The following HK1 variants were observed in gnomAD, a reference collection of about 807,000 sequenced individuals.
HK1 encodes the protein hexokinase-1.
A neutral mutation model predicts 91.6 loss-of-function variants in HK1; 28 were observed. That is an observed-to-expected ratio of 0.31 (90% CI 0.23 to 0.42). The LOEUF is 0.42. Among genes scored for constraint, HK1 ranks in the 10% least tolerant of loss-of-function variants. The pLI, the probability that HK1 is intolerant of heterozygous loss-of-function variation, is 1.00. For missense variants in HK1, 770 were observed against 1,219.8 expected (o/e 0.63, Z 5.49); for synonymous variants, 430 against 468.1 (o/e 0.92, Z 1.05).
intron 1 of HK1, among the ~76,000 whole-genome samples, chr10:69,276,151 ATTC>A (rs1392247333): frequency 4.0e-4 from 54 of 134,834 alleles, no homozygotes; most frequent in African/African-American, 1.4e-3. Flanking sequence ...ACATATATAT[ATTC>A]TATATTAAAT....
At chr10:69,270,817 A>G (rs760092728) in intron 1 of HK1, among the ~76,000 whole-genome samples, 5 of 152,226 alleles carry the variant, frequency 3.3e-5, no homozygotes, top group Admixed American at 6.5e-5. Context: ...CCATGAGAAT[A>G]AAGACTTGGG....
intron 13 of HK1, among the ~76,000 whole-genome samples, chr10:69,388,543 C>T (rs1304378589): frequency 1.3e-5 from 2 of 152,136 alleles, no homozygotes; most frequent in Non-Finnish European, 2.9e-5. Flanking sequence ...TGCCAACACA[C>T]ACACACACAC....
Position 69,324,045 on chromosome 10 carries a change from AT to A in HK1, c.63+5042del, listed in dbSNP as rs1452153473. Among the ~76,000 whole-genome samples the A allele has an allele frequency of 2.0e-5, 3 of 152,060 alleles. No individual in the cohort carries two copies. The East Asian group carries it at 5.8e-4, about 29-fold the overall frequency. ...GGCACCTGCTTATGGATTTGTTTTT[AT>A]TTTTTTATAGAGACAGGGTCTCACC... On this transcript the variant is annotated intron_variant, in intron 1 of 17. Transcript: ENST00000359426.
At chr10:69,316,508 C>T (rs1397335772), upstream of HK1, among the ~76,000 whole-genome samples, 2 of 152,196 alleles carry the variant, frequency 1.3e-5, no homozygotes, top group Non-Finnish European at 2.9e-5. Context: ...TATTGACAGG[C>T]CTTGGGGCCT....
intron 3 of HK1, among the ~76,000 whole-genome samples, chr10:69,293,134 C>T (rs192287024): frequency 1.3e-5 from 2 of 152,318 alleles, no homozygotes; most frequent in Admixed American, 1.3e-4. Flanking sequence ...TTTATTCACC[C>T]CCCTGCTCCC....
rs1186541446 is a variant in HK1, at chr10:69,347,031, T to C, written c.226+3042T>C. The stretch of plus-strand genomic sequence containing the variant: ...GTGGGGCCCAGATACTTACATTTCC[T>C]CTTTTCTTTTCCTTTTTTTTTTTGA... On this transcript the variant is annotated intron_variant, in intron 2 of 17. Coordinates refer to ENST00000359426, the MANE Select transcript of HK1 (RefSeq NM_000188.3). Among the ~76,000 whole-genome samples, 5 of 151,612 alleles carry C rather than the reference T, an allele frequency of 3.3e-5. No individual in the cohort carries two copies. The South Asian group carries it at 6.2e-4, about 19-fold the overall frequency.
upstream of HK1, among the ~76,000 whole-genome samples, chr10:69,318,413 G>A (rs180851031): frequency 3.8e-3 from 571 of 152,266 alleles, 3 homozygotes; most frequent in Middle Eastern, 0.02. Flanking sequence ...GAATGGGACC[G>A]CCTTCGTGCC....
At chr10:69,306,312 C>T (rs1257802585) in intron 5 of HK1, among the ~76,000 whole-genome samples, 2 of 151,150 alleles carry the variant, frequency 1.3e-5, no homozygotes, top group Admixed American at 6.6e-5. Flanking sequence ...GAGCTGAGAT[C>T]GCACCAGTGC....
At chr10:69,278,947 T>C (rs913735692) in intron 1 of HK1, among the ~76,000 whole-genome samples, 3 of 152,064 alleles carry the variant, frequency 2.0e-5, no homozygotes, top group Admixed American at 6.5e-5. Flanking sequence ...TCATCAAGAG[T>C]GTAGAGAAGC....
At position 69,384,867 on chromosome 10, in the gene HK1, T is replaced by A. The variant is rs1037264298; in HGVS notation, c.1791T>A (p.Pro597=). ...TGGGGATCAAAGGCCCCAGGATGCCTCTGGGCTTCACGTTCTCATTTCCCT... is the reference window on the plus strand; with the variant it reads ...TGGGGATCAAAGGCCCCAGGATGCCACTGGGCTTCACGTTCTCATTTCCCT... ...DYMGIKGPRM[P]LGFTFSFPCQ... Residue 597 remains proline (P), a synonymous_variant, in exon 12 of 18, where the codon CCT becomes CCA. Transcript: ENST00000359426. 4 of 1,614,068 alleles carry A rather than the reference T, an allele frequency of 2.5e-6. No homozygotes were observed. The highest frequency in any genetic ancestry group is 1.3e-5 in the African/African-American group (1 of 74,938).
At chr10:69,341,938 A>C (rs571717299) in intron 1 of HK1, among the ~76,000 whole-genome samples, 1 of 152,122 alleles carries the variant, frequency 6.6e-6, no homozygotes, top group Non-Finnish European at 1.5e-5. Context: ...ACTTGAGGTC[A>C]GGAGTTTGAG....
chr10:69,381,701 C>A (rs981945155), intron 9 of HK1, among the ~76,000 whole-genome samples: 4 of 152,066 alleles, frequency 2.6e-5, no homozygotes, highest in African/African-American at 7.2e-5. Flanking sequence ...TTACAGGCAT[C>A]TGCCACCATA....
intron 1 of HK1, among the ~76,000 whole-genome samples, chr10:69,329,913 C>T (rs916344276): frequency 6.6e-5 from 10 of 152,004 alleles, no homozygotes; most frequent in African/African-American, 1.5e-4. Context: ...GAAATGGATC[C>T]GATAAGGTCA....
chr10:69,300,752 T>C (rs1845820516), intron 4 of HK1: 2 of 1,456,596 alleles, frequency 1.4e-6, no homozygotes, highest in East Asian at 4.6e-5. Context: ...GAACCTGGTG[T>C]TTGTCTCTCT....
Position 69,302,107 on chromosome 10 carries a change from C to T in HK1, c.27+1246C>T, listed in dbSNP as rs148234886. On this transcript the variant is annotated intron_variant, in intron 5 of 21. Transcript: ENST00000360289. ...CTAAAAATACAAAAAATTAGCCAGG[C>T]GTGGAGGTAGGTGCCTGTAATCCCA... 6.9e-3 allele frequency among the ~76,000 whole-genome samples: 1,052 copies of T among 151,540 alleles called. 16 individuals are homozygous for T. The highest frequency in any genetic ancestry group is 0.055 in the East Asian group (280 of 5,084).
At chr10:69,347,635 C>T (rs565266646) in intron 2 of HK1, among the ~76,000 whole-genome samples, 20 of 152,000 alleles carry the variant, frequency 1.3e-4, no homozygotes, top group South Asian at 6.2e-4. Context: ...GAGGTTTCAC[C>T]ATGTTGGCCA....
chr10:69,276,936 T>C (rs1844507295), intron 1 of HK1, among the ~76,000 whole-genome samples: 1 of 152,008 alleles, frequency 6.6e-6, no homozygotes, highest in Non-Finnish European at 1.5e-5. Flanking sequence ...TATTTTAGTC[T>C]CTCTTACCCC....
In HK1 at chr10:69,276,118, A is replaced by AAAAAATATATATATAT; in HGVS notation, c.-391+6011_-391+6012insAAAATATATATATATA. On this transcript the variant is annotated intron_variant, in intron 1 of 21. Coordinates refer to the HK1 transcript ENST00000360289. ...AAAAAAAAAAAAAAAAAAAAAAAAA[A>AAAAAATATATATATAT]ATACATATATATATATATATACACA... 1.6e-3 allele frequency among the ~76,000 whole-genome samples: 61 copies of AAAAAATATATATATAT among 38,252 alleles called. 9 individuals carry two copies. Among genetic ancestry groups the AAAAAATATATATATAT allele is most frequent in the Non-Finnish European group, 2.7e-3 (53 of 19,626 alleles). 25.1% of individuals were successfully genotyped at this position (38,252 alleles called of 152,430 possible).
intron 1 of HK1, among the ~76,000 whole-genome samples, chr10:69,323,032 A>G (rs1589481316): frequency 6.6e-6 from 1 of 151,978 alleles, no homozygotes; most frequent in Non-Finnish European, 1.5e-5. Context: ...TGAATCACGA[A>G]GTCAGGAGTT....
Sources: allele counts gnomAD v4.1 joint callset (sites outside exome capture counted in the v4.1 genomes callset), GRCh38; gene constraint gnomAD v4.1.1; transcripts MANE v1.5; gene names NCBI Gene and HGNC (gene_info 2026-07-23, HGNC 2026-07-21).